The following HERC2 variants were observed in gnomAD, a reference collection of about 807,000 sequenced individuals.
The protein encoded by HERC2 is HECT and RLD domain containing E3 ubiquitin protein ligase 2.
Under a neutral mutation model 537.7 loss-of-function variants are expected in HERC2, and 102 were observed. That is an observed-to-expected ratio of 0.19 (90% CI 0.16 to 0.22). The LOEUF is 0.22. HERC2 is among the 10% of genes least tolerant of loss of function. The pLI, the probability that HERC2 is intolerant of heterozygous loss-of-function variation, is 1.00. For missense variants in HERC2, 4,236 were observed against 6,198.2 expected (o/e 0.68, Z 10.63); for synonymous variants, 2,224 against 2,466.2 (o/e 0.90, Z 2.91).
Position 28,192,107 on chromosome 15 carries a change from G to A in HERC2, c.8305C>T (p.Arg2769Cys), listed in dbSNP as rs141210218. ...ATGCCTGGCTGGCTGCTGTGGCAAC[G>A]CTTCAGCTGTTTTCCAGAACGGCCA... ...FCGRSGKQLK[R>C]CHSSQPGMLL... The change falls in exon 53 of 93, where the codon CGT becomes TGT. Residue 2769 changes from arginine to cysteine, a missense_variant. By Grantham distance (180) the Arg-to-Cys change is radical. Around this residue, in one of 27 missense-constraint regions of HERC2, gnomAD observed 606 missense variants for 884.5 expected, o/e 0.69. Coordinates refer to ENST00000261609, the MANE Select transcript of HERC2 (RefSeq NM_004667.6). 37 of 1,613,788 alleles carry A rather than the reference G, an allele frequency of 2.3e-5. No individual in the cohort carries two copies. In the African/African-American group the frequency reaches 3.1e-4, roughly 13 times the overall value.
chr15:28,206,962 T>A (rs539960594), intron 44 of HERC2, among the ~76,000 whole-genome samples: 1 of 147,408 alleles, frequency 6.8e-6, no homozygotes, highest in Non-Finnish European at 1.5e-5. Context: ...AGCGAGCCAA[T>A]ATCACACCAC....
chr15:28,249,904 C>G (rs1366114469), intron 20 of HERC2, among the ~76,000 whole-genome samples: 2 of 151,808 alleles, frequency 1.3e-5, no homozygotes, highest in African/African-American at 4.8e-5. Context: ...ATTCACCCGC[C>G]TCAGCCTCCC....
At chr15:28,152,145 T>C (rs1183698172) in intron 70 of HERC2, among the ~76,000 whole-genome samples, 3 of 152,178 alleles carry the variant, frequency 2.0e-5, no homozygotes, top group African/African-American at 7.2e-5. Context: ...GGGCAGCACC[T>C]TGCAGAAGGA....
intron 4 of HERC2, among the ~76,000 whole-genome samples, chr15:28,292,054 T>C (rs530088235): frequency 2.7e-5 from 4 of 150,562 alleles, no homozygotes; most frequent in Non-Finnish European, 4.4e-5. Context: ...ATAGTGAAAC[T>C]TCGTCTCTAC....
intron 3 of HERC2, among the ~76,000 whole-genome samples, chr15:28,296,473 G>T (rs986400435): frequency 2.6e-5 from 4 of 151,842 alleles, no homozygotes; most frequent in Non-Finnish European, 5.9e-5. Flanking sequence ...ACTCCCTCTC[G>T]AGAGGAAAAA....
intron 2 of HERC2, among the ~76,000 whole-genome samples, chr15:28,307,166 A>T (rs541397094): frequency 6.6e-6 from 1 of 152,260 alleles, no homozygotes; most frequent in Non-Finnish European, 1.5e-5. Flanking sequence ...CACGTTTCCC[A>T]ATTTATTGAC....
chr15:28,257,412 G>C (rs753575214), intron 16 of HERC2, 151 bp from the exon 17 acceptor site: 1 of 620,330 alleles, frequency 1.6e-6, no homozygotes, highest in Non-Finnish European at 2.8e-6. Context: ...TGGATGTCTA[G>C]CTCACACACT....
At chr15:28,301,529 G>T (rs2076623675) in intron 2 of HERC2, among the ~76,000 whole-genome samples, 1 of 150,126 alleles carries the variant, frequency 6.7e-6, no homozygotes, top group African/African-American at 2.4e-5. Flanking sequence ...GTCAACATTT[G>T]TGAGTCAGAA....
Position 28,274,985 on chromosome 15 carries a change from C to G in HERC2, c.563G>C (p.Gly188Ala). The G allele has an allele frequency of 1.2e-6, 2 of 1,607,668 alleles. No individual in the cohort carries two copies. The highest frequency in any genetic ancestry group is 1.7e-6 in the Non-Finnish European group (2 of 1,179,808). ...DKKSSRPAGK[G>A]VEGLARVGSR... ...TCCCACTCTGGCGAGCCCCTCCACA[C>G]CTTTGCCCGCAGGCCGGGAACTGCA... is the stretch of plus-strand genomic sequence containing the variant. Residue 188 changes from glycine (G) to alanine (A), a missense_variant, in exon 6 of 93, where the codon GGT (glycine) becomes GCT (alanine). Transcript: ENST00000261609.
At chr15:28,227,609 T>G (rs903479903) in intron 35 of HERC2, among the ~76,000 whole-genome samples, 3 of 152,092 alleles carry the variant, frequency 2.0e-5, no homozygotes, top group Non-Finnish European at 4.4e-5. Flanking sequence ...AAGTTACACA[T>G]AGTTGTACCA....
At chr15:28,189,603 C>A (rs1896640485) in intron 55 of HERC2, among the ~76,000 whole-genome samples, 1 of 152,024 alleles carries the variant, frequency 6.6e-6, no homozygotes, top group South Asian at 2.1e-4. Flanking sequence ...CCATGACATT[C>A]CAGAATAAAT....
At chr15:28,121,518 G>A (rs2142086902) in intron 85 of HERC2, 89 bp from the exon 86 acceptor site, 6 of 1,087,234 alleles carry the variant, frequency 5.5e-6, no homozygotes, top group East Asian at 2.4e-5. Flanking sequence ...TTTAAAATCT[G>A]TGTTGAAGAC....
chr15:28,129,347 G>A (rs1234792064), intron 83 of HERC2, among the ~76,000 whole-genome samples: 3 of 152,204 alleles, frequency 2.0e-5, no homozygotes, highest in Non-Finnish European at 4.4e-5. Context: ...TAACTGCCCC[G>A]GCACTGAGCT....
At chr15:28,208,872 A>G (rs1486310800) in intron 44 of HERC2, among the ~76,000 whole-genome samples, 2 of 152,204 alleles carry the variant, frequency 1.3e-5, no homozygotes, top group Non-Finnish European at 2.9e-5. Flanking sequence ...GGACAAAGAG[A>G]GCCATCTGCA....
intron 10 of HERC2, among the ~76,000 whole-genome samples, chr15:28,270,214 G>T (rs1299264820): frequency 6.6e-6 from 1 of 151,736 alleles, no homozygotes; most frequent in Admixed American, 6.6e-5. Flanking sequence ...TAGATAGATA[G>T]ATAGATAGAA....
At position 28,113,497 on chromosome 15, in the gene HERC2, C is replaced by CT. The variant is rs1038837698; in HGVS notation, c.14019+75dup. 1.7e-5 allele frequency: 23 copies of CT among 1,327,196 alleles called. No homozygotes were observed. Among genetic ancestry groups the CT allele is most frequent in the Non-Finnish European group, 2.3e-5 (21 of 923,564 alleles). The allele number at this position is 1,327,196 out of a possible 1,614,324, so 82.2% of individuals were successfully genotyped here. A position where few individuals can be genotyped will look rare whatever the true frequency, so the allele number is the denominator to read the frequency against. On this transcript the variant is annotated intron_variant, in intron 91 of 92. Coordinates refer to ENST00000261609, the MANE Select transcript of HERC2 (RefSeq NM_004667.6). The surrounding 1 kb of genome is among the most constrained non-coding windows in gnomAD (Gnocchi z 7.0). ...CAACACACAGGGCAAGGTTCTGACT[C>CT]TAACTGCTGTCACTGATTTGTGGGT...
At chr15:28,231,700 A>G (rs1901870151) in intron 30 of HERC2, among the ~76,000 whole-genome samples, 1 of 152,242 alleles carries the variant, frequency 6.6e-6, no homozygotes, top group African/African-American at 2.4e-5. Context: ...TCCTTTTTGC[A>G]GTAAAAAAAC....
intron 7 of HERC2, 53 bp downstream of exon 7, chr15:28,274,238 C>T (rs1275935445): frequency 6.3e-7 from 1 of 1,595,076 alleles, no homozygotes; most frequent in East Asian, 2.2e-5. Context: ...TAAGAACCAG[C>T]CTCAAGCAGG....
chr15:28,230,969 A>C (rs953734626), intron 30 of HERC2, among the ~76,000 whole-genome samples: 1 of 141,312 alleles, frequency 7.1e-6, no homozygotes, highest in Non-Finnish European at 1.5e-5. Flanking sequence ...TTTCAAACTG[A>C]AAAAAAAAAA....
Sources: gnomAD v4.1 joint callset for allele counts (sites outside exome capture counted in the v4.1 genomes callset) on GRCh38, gnomAD v4.1.1 for gene constraint, gnomAD v4.1.1 regional missense constraint, Gnocchi (gnomAD v3.1) non-coding constraint, MANE v1.5 for transcripts, NCBI Gene and HGNC (gene_info 2026-07-23, HGNC 2026-07-21) for gene names.